The following GRM8 variants were observed in gnomAD, a reference collection of about 807,000 sequenced individuals.
GRM8 encodes metabotropic glutamate receptor 8.
In GRM8, 47 loss-of-function variants were observed where a neutral mutation model predicts 87.2. That is an observed-to-expected ratio of 0.54 (90% CI 0.43 to 0.69). The LOEUF (loss-of-function observed/expected upper bound fraction) is 0.69, where lower values mean the gene tolerates loss of function less well. GRM8 is among the 30% of genes least tolerant of loss of function. The probability of loss-of-function intolerance (pLI) is 0.00; values close to 1 mark genes in which losing one functional copy is unlikely to be tolerated. For synonymous variants in GRM8, 396 were observed against 404.5 expected, an observed-to-expected ratio of 0.98 and a Z score of 0.25; for missense variants, 1,019 against 1,139.2, an observed-to-expected ratio of 0.89 and a Z score of 1.52.
At chr7:126,881,030 C>T (rs1799974577) in intron 6 of GRM8, among the ~76,000 whole-genome samples, 1 of 152,158 alleles carries the variant, frequency 6.6e-6, no homozygotes, top group Admixed American at 6.5e-5. Flanking sequence ...TTTTGGCATG[C>T]TAGTGCTAGT....
intron 9 of GRM8, among the ~76,000 whole-genome samples, chr7:126,525,685 GAGTTTCTC>G (rs1813717140): frequency 6.6e-6 from 1 of 152,092 alleles, no homozygotes; most frequent in African/African-American, 2.4e-5. Context: ...TACTTTCTGA[GAGTTTCTC>G]AGTTTTACCA....
chr7:126,638,770 G>A (rs955950134), intron 7 of GRM8, among the ~76,000 whole-genome samples: 2 of 152,160 alleles, frequency 1.3e-5, no homozygotes, highest in Non-Finnish European at 2.9e-5. Context: ...GAACAAGTCA[G>A]AAACATCCCA....
intron 2 of GRM8, among the ~76,000 whole-genome samples, chr7:127,133,230 C>G (rs908094441): frequency 3.9e-5 from 6 of 152,054 alleles, no homozygotes. Flanking sequence ...CCAGTCTGAC[C>G]AACATGGTGA....
At chr7:126,639,036 A>G (rs1206964582) in intron 7 of GRM8, among the ~76,000 whole-genome samples, 1 of 152,164 alleles carries the variant, frequency 6.6e-6, no homozygotes, top group Non-Finnish European at 1.5e-5. Context: ...TGGCTTCCCC[A>G]GGGACATCCA....
At chr7:126,457,800 G>T (rs911729745) in intron 9 of GRM8, among the ~76,000 whole-genome samples, 8 of 149,360 alleles carry the variant, frequency 5.4e-5, no homozygotes, top group African/African-American at 1.5e-4. Flanking sequence ...AAAGATAAAA[G>T]TCAATAAAAT....
chr7:126,725,115 A>G (rs892174909), intron 7 of GRM8, among the ~76,000 whole-genome samples: 3 of 152,236 alleles, frequency 2.0e-5, no homozygotes, highest in Non-Finnish European at 4.4e-5. Context: ...GCAGACAGGT[A>G]GATTGTAGCC....
chr7:127,152,880 T>C (rs942234051), intron 2 of GRM8, among the ~76,000 whole-genome samples: 3 of 152,276 alleles, frequency 2.0e-5, no homozygotes, highest in Middle Eastern at 3.4e-3. Context: ...ATGTTCTTAA[T>C]AGTTTGGAAC....
At chr7:126,482,943 C>G (rs1806875334) in intron 9 of GRM8, among the ~76,000 whole-genome samples, 1 of 151,454 alleles carries the variant, frequency 6.6e-6, no homozygotes, top group South Asian at 2.1e-4. Flanking sequence ...GTGACAGTCT[C>G]ATGATTTTGG....
At chr7:126,511,987 G>A (rs1432700795) in intron 9 of GRM8, 3 of 152,140 alleles carry the variant, frequency 2.0e-5, no homozygotes, top group Non-Finnish European at 2.9e-5. Flanking sequence ...GAATTAGCCG[G>A]TGTAGGAAGC....
At chr7:126,618,068 A>T (rs954432826) in intron 7 of GRM8, among the ~76,000 whole-genome samples, 1 of 152,252 alleles carries the variant, frequency 6.6e-6, no homozygotes, top group African/African-American at 2.4e-5. Flanking sequence ...CTCATTGCCA[A>T]GACAATCCTA....
chr7:127,180,437 C>A (rs981917507), intron 2 of GRM8, among the ~76,000 whole-genome samples: 3 of 152,020 alleles, frequency 2.0e-5, no homozygotes, highest in Non-Finnish European at 4.4e-5. Context: ...GAATTGTTAC[C>A]AATCCTTTTG....
chr7:127,089,512 A>T (rs1823848258), intron 3 of GRM8, among the ~76,000 whole-genome samples: 1 of 152,196 alleles, frequency 6.6e-6, no homozygotes. Flanking sequence ...TTCCCACCAC[A>T]TGGGCAAAAC....
chr7:126,717,400 T>A (rs1308534609), intron 7 of GRM8, among the ~76,000 whole-genome samples: 2 of 152,122 alleles, frequency 1.3e-5, no homozygotes, highest in Non-Finnish European at 2.9e-5. Context: ...ACACGAGTGC[T>A]GGGAGTAAGC....
chr7:126,832,041 T>G (rs1395618897), intron 6 of GRM8, among the ~76,000 whole-genome samples: 1 of 151,880 alleles, frequency 6.6e-6, no homozygotes, highest in Non-Finnish European at 1.5e-5. Context: ...ACTGCAAAAA[T>G]GTATCTTCAA....
intron 3 of GRM8, among the ~76,000 whole-genome samples, chr7:127,086,840 C>T (rs1382806308): frequency 6.6e-6 from 1 of 152,146 alleles, no homozygotes; most frequent in African/African-American, 2.4e-5. Flanking sequence ...CTTGTTCCAC[C>T]TTCATTAATC....
intron 7 of GRM8, among the ~76,000 whole-genome samples, chr7:126,622,482 A>C (rs1389039013): frequency 2.6e-5 from 4 of 151,956 alleles, no homozygotes; most frequent in African/African-American, 9.7e-5. Context: ...AAACTTCCTC[A>C]TCATTCCACC....
At chr7:126,727,969 GAT>G (rs1229742773) in intron 7 of GRM8, among the ~76,000 whole-genome samples, 1 of 152,118 alleles carries the variant, frequency 6.6e-6, no homozygotes, top group Non-Finnish European at 1.5e-5. Context: ...CTTACATTCT[GAT>G]ATGATTGACA....
rs919363637 is a variant in GRM8 at position 127,025,199 on chromosome 7, G to T, written c.727+81297C>A. On this transcript the variant is annotated intron_variant, in intron 3 of 10. Transcript: ENST00000339582. ...CATCTCAAAATTTATTCAAATCTAGGCTCTTCCTGTTCCCAGAACAAGGTA... is the reference window on the plus strand; with the variant it reads ...CATCTCAAAATTTATTCAAATCTAGTCTCTTCCTGTTCCCAGAACAAGGTA... 2.0e-5 allele frequency among the ~76,000 whole-genome samples: 3 copies of T among 152,008 alleles called. No individual in the cohort carries two copies. The East Asian group carries it at 5.8e-4, about 30-fold the overall frequency.
At chr7:126,920,742 T>G (rs1228796622) in intron 3 of GRM8, among the ~76,000 whole-genome samples, 1 of 152,110 alleles carries the variant, frequency 6.6e-6, no homozygotes, top group Non-Finnish European at 1.5e-5. Flanking sequence ...TTCTATAGAA[T>G]AAAAGTCTGC....
Sources: gnomAD v4.1 joint callset for allele counts (sites outside exome capture counted in the v4.1 genomes callset) on GRCh38, gnomAD v4.1.1 for gene constraint, MANE v1.5 for transcripts, NCBI Gene and HGNC (gene_info 2026-07-23, HGNC 2026-07-21) for gene names.